The following EP400 variants were observed in gnomAD, a reference collection of about 807,000 sequenced individuals.
The protein encoded by EP400 is E1A-binding protein p400.
A neutral mutation model predicts 354.1 loss-of-function variants in EP400; 105 were observed. The observed-to-expected ratio is 0.30, with a 90% CI of 0.25 to 0.35. EP400 has a LOEUF of 0.35. Ranked by LOEUF, EP400 falls within the 10% of genes least tolerant of loss-of-function variation. EP400 has a pLI of 1.00. For synonymous variants in EP400, 1,646 were observed against 1,716.9 expected, an observed-to-expected ratio of 0.96 and a Z score of 1.02; for missense variants, 3,280 against 4,121.0, an observed-to-expected ratio of 0.80 and a Z score of 5.59.
intron 2 of EP400, among the ~76,000 whole-genome samples, chr12:131,965,954 G>A (rs1041542446): frequency 1.3e-5 from 2 of 151,312 alleles, no homozygotes; most frequent in African/African-American, 4.9e-5. Flanking sequence ...GTCAACATAG[G>A]TATTCATTTC....
chr12:131,983,042 C>A (rs1397604027), intron 5 of EP400, among the ~76,000 whole-genome samples: 2 of 152,192 alleles, frequency 1.3e-5, no homozygotes, highest in South Asian at 4.1e-4. Context: ...GGGGTCCCTC[C>A]TTACTCACCC....
chr12:132,028,275 G>T lies in EP400; in HGVS notation c.5368G>T (p.Asp1790Tyr). The T allele has an allele frequency of 6.2e-7, 1 of 1,613,742 alleles. No individual in the cohort carries two copies. Residue 1790 changes from aspartate (D) to tyrosine (Y), a missense_variant, in exon 27 of 53, where the codon GAT (aspartate) becomes TAT (tyrosine). Physicochemically the swap from Asp to Tyr is radical, Grantham distance 160. Around this residue, in one of 20 missense-constraint regions of EP400, gnomAD observed 459 missense variants for 496.9 expected, o/e 0.92. Transcript: ENST00000389561. ...TTGTCGGTGTGGAGAGTCTCTGCAG[G>T]ATGTTATTGACAGGTACTGCAGACC... Reference protein sequence around the residue: ...TLCRCGESLQDVIDRVAFVIP... With the variant: ...TLCRCGESLQYVIDRVAFVIP...
rs1896343314 is a variant in EP400, at chr12:132,080,435, G to C, written c.*2762G>C. ...GCATTGATAGCATACCAAACAAAAG[G>C]CAAAATAAAGTGACCTTTTTATATA... On this transcript the variant is annotated 3_prime_UTR_variant, in exon 53 of 53. Coordinates refer to ENST00000389561, the MANE Select transcript of EP400 (RefSeq NM_015409.5). 2 of 152,552 alleles carry C rather than the reference G, an allele frequency of 1.3e-5. No individual in the cohort carries two copies. The highest frequency in any genetic ancestry group is 4.8e-5 in the African/African-American group (2 of 41,412). 9.4% of individuals were successfully genotyped at this position (152,552 alleles called of 1,614,324 possible).
At chr12:132,028,375 T>TA (rs1323906054) in intron 27 of EP400, 87 bp downstream of exon 27, 10 of 1,516,806 alleles carry the variant, frequency 6.6e-6, no homozygotes, top group Admixed American at 1.7e-5. Flanking sequence ...ATGTACATCT[T>TA]ACTCCCATCG....
At chr12:131,992,084 C>G (rs1893058903) in intron 10 of EP400, 89 bp from the exon 11 acceptor site, 1 of 1,466,432 alleles carries the variant, frequency 6.8e-7, no homozygotes. Flanking sequence ...CCGGGGCTCC[C>G]CCAACCTGTC....
At chr12:131,952,957 C>T (rs1489508406) in intron 1 of EP400, among the ~76,000 whole-genome samples, 2 of 152,154 alleles carry the variant, frequency 1.3e-5, no homozygotes, top group Admixed American at 6.6e-5. Flanking sequence ...TGCCCTTTCT[C>T]CCCATTCATC....
chr12:131,989,960 C>G lies in EP400; in HGVS notation c.2410-4C>G. 1 of 1,613,264 alleles carries G rather than the reference C, an allele frequency of 6.2e-7. No homozygotes were observed. The highest frequency in any genetic ancestry group is 1.7e-4 in the Middle Eastern group (1 of 6,058). Reference sequence around the variant, plus strand: ...CATACAATTCTTGCACTTTTATTCACCAGCTCGTTAGAACTGTGGTGCGCC... The same window carrying G: ...CATACAATTCTTGCACTTTTATTCAGCAGCTCGTTAGAACTGTGGTGCGCC... On this transcript the variant is annotated splice_region_variant and splice_polypyrimidine_tract_variant and intron_variant, in intron 7 of 52. Coordinates refer to ENST00000389561, the MANE Select transcript of EP400 (RefSeq NM_015409.5).
At chr12:132,021,372 G>T in intron 23 of EP400, 51 bp downstream of exon 23, 2 of 1,459,170 alleles carry the variant, frequency 1.4e-6, no homozygotes, top group South Asian at 2.8e-5. Context: ...CCCCAGAGGA[G>T]TTGTGTTAAG....
rs1382073477 is a variant in EP400, at chr12:132,029,863, G to A, written c.5544G>A (p.Leu1848=). The A allele has an allele frequency of 6.2e-7, 1 of 1,612,676 alleles. No individual in the cohort carries two copies. Among genetic ancestry groups the A allele is most frequent in the Non-Finnish European group, 8.5e-7 (1 of 1,180,030 alleles). ...TGCGGCAGACCACGGCTCCACGCCT[G>A]CTGCAGTTCCCTGAGCTGAGGCTGG... ...QQLRQTTAPR[L]LQFPELRLVQ... is the part of the protein sequence containing the mutation. The change falls in exon 28 of 53, where the codon CTG becomes CTA. Residue 1848 remains leucine (L), a synonymous_variant. Coordinates refer to ENST00000389561, the MANE Select transcript of EP400 (RefSeq NM_015409.5). This position sits in a 1 kb window ranked among gnomAD's most constrained non-coding sequence, Gnocchi z 4.7.
chr12:131,955,444 G>A (rs1031279740), intron 1 of EP400, among the ~76,000 whole-genome samples: 4 of 149,876 alleles, frequency 2.7e-5, no homozygotes, highest in African/African-American at 7.4e-5. Flanking sequence ...CACCATGCCC[G>A]GCTAATTTTG....
intron 19 of EP400, among the ~76,000 whole-genome samples, chr12:132,014,715 C>G (rs1593347380): frequency 6.6e-6 from 1 of 152,330 alleles, no homozygotes; most frequent in East Asian, 1.9e-4. Flanking sequence ...CAGGCACAGT[C>G]AGACACACTG....
chr12:132,050,399 C>T lies in EP400; in HGVS notation c.7277C>T (p.Thr2426Met), dbSNP rs748337466. Residue 2426 changes from threonine to methionine, a missense_variant, in exon 40 of 53, where the codon ACG (threonine) becomes ATG (methionine). Physicochemically the swap from Thr to Met is moderately conservative, Grantham distance 81 (BLOSUM62 -1). Transcript: ENST00000389561. The surrounding 1 kb of genome is among the most constrained non-coding windows in gnomAD (Gnocchi z 4.8). ...AATGCCACACACACCCAGCTGTACACGAGCCACTTTGACTTAATGAAAATG... is the reference window on the plus strand; with the variant it reads ...AATGCCACACACACCCAGCTGTACATGAGCCACTTTGACTTAATGAAAATG... ...DENATHTQLY[T>M]SHFDLMKMTA... 1.7e-5 allele frequency: 28 copies of T among 1,613,148 alleles called. No individual in the cohort carries two copies. Among genetic ancestry groups the T allele is most frequent in the East Asian group, 2.2e-5 (1 of 44,694 alleles).
Position 132,064,731 on chromosome 12 carries a change from G to A in EP400, c.8398G>A (p.Ala2800Thr), listed in dbSNP as rs761716504. Residue 2800 changes from alanine to threonine, a missense_variant, in exon 48 of 53, where the codon GCC (alanine) becomes ACC (threonine). By Grantham distance (58) the Ala-to-Thr change is moderately conservative. This residue lies in a region of EP400 where 86 missense variants were observed against 66.4 expected (regional missense o/e 1.29). Coordinates refer to ENST00000389561, the MANE Select transcript of EP400 (RefSeq NM_015409.5). Reference sequence around the variant, plus strand: ...GCCCCCGCAGCCCCCACCGCCACAGGCCCAGTCTGCGCCCCCGCAGCCAAC... The same window carrying A: ...GCCCCCGCAGCCCCCACCGCCACAGACCCAGTCTGCGCCCCCGCAGCCAAC... ...QMPPQPPPPQ[A>T]QSAPPQPTAQ... 7.4e-6 allele frequency: 12 copies of A among 1,613,536 alleles called. No homozygotes were observed. The highest frequency in any genetic ancestry group is 1.0e-5 in the Non-Finnish European group (12 of 1,179,906).
chr12:131,976,045 A>T (rs1243455697), intron 2 of EP400, among the ~76,000 whole-genome samples: 3 of 151,384 alleles, frequency 2.0e-5, no homozygotes, highest in Admixed American at 6.6e-5. Flanking sequence ...TATCCAATGA[A>T]TTTTTTTTTA....
intron 25 of EP400, among the ~76,000 whole-genome samples, chr12:132,026,068 G>A (rs755169224): frequency 3.6e-4 from 55 of 152,198 alleles, no homozygotes; most frequent in Non-Finnish European, 6.6e-4. Flanking sequence ...CAAGAAATTT[G>A]GAATCATGAG....
intron 23 of EP400, among the ~76,000 whole-genome samples, chr12:132,023,489 G>A (rs1340089574): frequency 1.3e-5 from 2 of 151,898 alleles, no homozygotes; most frequent in Non-Finnish European, 2.9e-5. Context: ...CGGTAGAAAA[G>A]TAAAATGTTC....
chr12:132,039,623 T>C (rs1346616717), intron 32 of EP400, among the ~76,000 whole-genome samples: 1 of 152,256 alleles, frequency 6.6e-6, no homozygotes, highest in Non-Finnish European at 1.5e-5. Flanking sequence ...AGATTGCATG[T>C]GTATCATTTC....
chr12:132,026,865 G>T (rs1236993824), intron 25 of EP400, among the ~76,000 whole-genome samples: 1 of 151,952 alleles, frequency 6.6e-6, no homozygotes, highest in Non-Finnish European at 1.5e-5. Context: ...ATCTTTGTAG[G>T]AAAGTCTGCC....
chr12:131,991,665 C>T (rs1410732908), intron 10 of EP400, among the ~76,000 whole-genome samples: 2 of 151,128 alleles, frequency 1.3e-5, no homozygotes, highest in Admixed American at 1.3e-4. Context: ...ACTGCAACCT[C>T]TGCCTCCCAG....
Sources: allele counts gnomAD v4.1 joint callset (sites outside exome capture counted in the v4.1 genomes callset), GRCh38; gene constraint gnomAD v4.1.1; regional missense constraint gnomAD v4.1.1; non-coding constraint Gnocchi (gnomAD v3.1); transcripts MANE v1.5; gene names NCBI Gene and HGNC (gene_info 2026-07-23, HGNC 2026-07-21).